The following ADAMTS20 variants were observed in gnomAD, a reference collection of about 807,000 sequenced individuals.
ADAMTS20 encodes A disintegrin and metalloproteinase with thrombospondin motifs 20.
In ADAMTS20, 225 loss-of-function variants were observed where a neutral mutation model predicts 260.1. The observed-to-expected ratio is 0.87, with a 90% CI of 0.78 to 0.97. ADAMTS20 has a LOEUF of 0.97. Ranked by LOEUF, ADAMTS20 falls within the 50% of genes least tolerant of loss-of-function variation. ADAMTS20 has a pLI of 0.00. For synonymous variants in ADAMTS20, 802 were observed against 769.5 expected (o/e 1.04, Z -0.70); for missense variants, 2,400 against 2,337.7 (o/e 1.03, Z -0.55).
At position 43,356,587 on chromosome 12, in the gene ADAMTS20, C is replaced by T. The variant is rs757956871; in HGVS notation, c.5540G>A (p.Gly1847Glu). ...DCYSAFRCPQ[G>E]QFSINLSGTG... ...TCCTGACAAATTAATGCTAAACTGT[C>T]CCTGGATTGTAAATAAAACAAAGAA... The change falls in exon 38 of 39, where the codon GGA becomes GAA. Residue 1847 changes from glycine to glutamate, a missense_variant and splice_region_variant. Coordinates refer to ENST00000389420, the MANE Select transcript of ADAMTS20 (RefSeq NM_025003.5). 2 of 1,603,374 alleles carry T rather than the reference C, an allele frequency of 1.2e-6. No individual in the cohort carries two copies. The highest frequency in any genetic ancestry group is 2.7e-5 in the African/African-American group (2 of 74,782).
At chr12:43,369,481 A>T in intron 36 of ADAMTS20, 100 bp from the exon 37 acceptor site, 3 of 444,134 alleles carry the variant, frequency 6.8e-6, no homozygotes, top group Non-Finnish European at 1.1e-5. Flanking sequence ...AAATATACAT[A>T]TTTATATATT....
At chr12:43,358,823 C>T (rs78725100) in intron 37 of ADAMTS20, among the ~76,000 whole-genome samples, 1 of 117,132 alleles carries the variant, frequency 8.5e-6, no homozygotes, top group Non-Finnish European at 1.6e-5. Flanking sequence ...GGCGACAGAG[C>T]GAAACTCCGT....
chr12:43,373,670 CTTTTTTTTTTT>C (rs71091149), intron 36 of ADAMTS20, among the ~76,000 whole-genome samples: 6 of 71,262 alleles, frequency 8.4e-5, no homozygotes, highest in South Asian at 7.5e-4. Flanking sequence ...AATATCATCT[CTTTTTTTTTTT>C]TTTTTTTTTT....
intron 36 of ADAMTS20, among the ~76,000 whole-genome samples, chr12:43,372,572 G>A (rs770166161): frequency 1.3e-4 from 20 of 152,180 alleles, no homozygotes; most frequent in Non-Finnish European, 2.8e-4. Context: ...TGGAAAGGTA[G>A]AGGTCAAGAT....
intron 6 of ADAMTS20, 109 bp downstream of exon 6, chr12:43,492,395 AG>A (rs371822044): frequency 1.2e-5 from 15 of 1,281,906 alleles, no homozygotes; most frequent in Admixed American, 2.9e-5. Flanking sequence ...AAAAAGAAAA[AG>A]AAAAAGAAAA....
chr12:43,387,288 GA>G (rs1386942182), intron 29 of ADAMTS20, among the ~76,000 whole-genome samples: 19 of 152,210 alleles, frequency 1.2e-4, no homozygotes. Flanking sequence ...GTCCATGCCA[GA>G]GCCTGCTTGC....
intron 2 of ADAMTS20, among the ~76,000 whole-genome samples, chr12:43,542,706 G>A (rs757795751): frequency 1.4e-4 from 21 of 152,086 alleles, no homozygotes; most frequent in Non-Finnish European, 1.8e-4. Context: ...TTAGGCTTTG[G>A]CAACTGTCAC....
intron 29 of ADAMTS20, 144 bp from the exon 30 acceptor site, chr12:43,384,121 G>T (rs1383738097): frequency 2.4e-6 from 2 of 817,392 alleles, no homozygotes; most frequent in Non-Finnish European, 1.8e-6. Context: ...CATACAATAA[G>T]TATTTTTACC....
At chr12:43,516,115 A>C (rs1942996813) in intron 3 of ADAMTS20, among the ~76,000 whole-genome samples, 1 of 151,848 alleles carries the variant, frequency 6.6e-6, no homozygotes, top group Non-Finnish European at 1.5e-5. Flanking sequence ...CAGTAGTCTG[A>C]GATGCTCGCC....
intron 37 of ADAMTS20, among the ~76,000 whole-genome samples, chr12:43,367,499 A>C (rs1384325692): frequency 2.6e-5 from 4 of 152,078 alleles, no homozygotes; most frequent in African/African-American, 9.7e-5. Flanking sequence ...CACTTAAGCT[A>C]GAAACAAAAG....
At chr12:43,471,415 G>A (rs1475016912) in intron 7 of ADAMTS20, among the ~76,000 whole-genome samples, 10 of 110,234 alleles carry the variant, frequency 9.1e-5, no homozygotes, top group African/African-American at 2.8e-4. Flanking sequence ...GGGGAGGGGC[G>A]CCCGCCATTG....
intron 2 of ADAMTS20, among the ~76,000 whole-genome samples, chr12:43,544,086 T>C (rs11182147): frequency 0.015 from 2,268 of 152,274 alleles, 54 homozygotes; most frequent in African/African-American, 0.051. Flanking sequence ...TAGTAAGAGT[T>C]GGACAGCTTA....
intron 7 of ADAMTS20, among the ~76,000 whole-genome samples, chr12:43,471,654 GCCT>G (rs1235533344): frequency 7.8e-5 from 11 of 140,298 alleles, no homozygotes; most frequent in Non-Finnish European, 3.1e-5. Context: ...CAGGCAGACT[GCCT>G]CCTCAAGTGG....
At chr12:43,501,794 C>A (rs7136786) in intron 4 of ADAMTS20, among the ~76,000 whole-genome samples, 2,284 of 152,076 alleles carry the variant, frequency 0.015, 52 homozygotes, top group African/African-American at 0.051. Flanking sequence ...CCCCTCTGTG[C>A]AGAAATAGGG....
At chr12:43,459,272 G>A (rs999010358) in intron 11 of ADAMTS20, among the ~76,000 whole-genome samples, 1 of 152,204 alleles carries the variant, frequency 6.6e-6, no homozygotes, top group African/African-American at 2.4e-5. Context: ...GATGCCCATT[G>A]CCGCTCCCCA....
intron 3 of ADAMTS20, among the ~76,000 whole-genome samples, chr12:43,529,947 T>C (rs1943197492): frequency 6.6e-6 from 1 of 152,194 alleles, no homozygotes; most frequent in Non-Finnish European, 1.5e-5. Flanking sequence ...TAGCTAATTT[T>C]TAGGTCATTA....
intron 37 of ADAMTS20, among the ~76,000 whole-genome samples, chr12:43,364,732 T>G (rs1051917306): frequency 2.0e-5 from 3 of 151,882 alleles, no homozygotes; most frequent in African/African-American, 7.3e-5. Context: ...ACGCACACCA[T>G]TAGGTGCACC....
At position 43,443,851 on chromosome 12, in the gene ADAMTS20, C is replaced by T; in HGVS notation, c.2230G>A (p.Ala744Thr). ...YNVVVKIPAG[A>T]TNVDIRQYSY... ...TACTGACGAATGTCAACGTTTGTTG[C>T]TCCTGCGGGAATCTTTACAACAACA... Residue 744 changes from alanine to threonine, a missense_variant, in exon 16 of 39, where the codon GCA (alanine) becomes ACA (threonine). Transcript: ENST00000389420. 1 of 1,613,262 alleles carries T rather than the reference C, an allele frequency of 6.2e-7. No homozygotes were observed. The highest frequency in any genetic ancestry group is 1.1e-5 in the South Asian group (1 of 91,004).
chr12:43,408,102 T>C (rs554252335), intron 28 of ADAMTS20, among the ~76,000 whole-genome samples: 2 of 152,282 alleles, frequency 1.3e-5, no homozygotes, highest in Non-Finnish European at 2.9e-5. Context: ...GCAAATCTTG[T>C]CTATTTTTAA....
Sources: gnomAD v4.1 joint callset for allele counts (sites outside exome capture counted in the v4.1 genomes callset) on GRCh38, gnomAD v4.1.1 for gene constraint, MANE v1.5 for transcripts, NCBI Gene and HGNC (gene_info 2026-07-23, HGNC 2026-07-21) for gene names.